MTUS1: variants seen among roughly 807,000 people sequenced by gnomAD.
MTUS1 encodes microtubule associated scaffold protein 1, also known as microtubule-associated tumor suppressor 1.
In MTUS1, 109 loss-of-function variants were observed where a neutral mutation model predicts 120.8. That is an observed-to-expected ratio of 0.90 (90% CI 0.77 to 1.06). The LOEUF is 1.06. Among genes scored for constraint, MTUS1 ranks in the 50% least tolerant of loss-of-function variants. MTUS1 has a pLI of 0.00. For synonymous variants in MTUS1, 737 were observed against 550.5 expected, an observed-to-expected ratio of 1.34 and a Z score of -4.74; for missense variants, 2,210 against 1,486.3, an observed-to-expected ratio of 1.49 and a Z score of -8.01.
At chr8:17,788,121 C>CAAA (rs1158573994) in intron 1 of MTUS1, among the ~76,000 whole-genome samples, 2 of 142,592 alleles carry the variant, frequency 1.4e-5, no homozygotes, top group African/African-American at 5.1e-5. Flanking sequence ...AACTCCATCT[C>CAAA]AAAAAAAAAA....
chr8:17,658,172 G>T (rs1808871732), intron 8 of MTUS1, among the ~76,000 whole-genome samples: 1 of 151,812 alleles, frequency 6.6e-6, no homozygotes, highest in African/African-American at 2.4e-5. Context: ...TCAGTAGCTG[G>T]GATTACGGCA....
At chr8:17,698,077 G>A (rs1293803680) in intron 6 of MTUS1, among the ~76,000 whole-genome samples, 1 of 151,950 alleles carries the variant, frequency 6.6e-6, no homozygotes, top group Non-Finnish European at 1.5e-5. Context: ...ATTGTCAAAA[G>A]GTTAAAGTTC....
intron 6 of MTUS1, among the ~76,000 whole-genome samples, chr8:17,707,490 A>G (rs1024291654): frequency 3.9e-5 from 6 of 152,150 alleles, no homozygotes; most frequent in African/African-American, 1.4e-4. Context: ...CCTACCACAC[A>G]ATCTAGATTA....
intron 6 of MTUS1, among the ~76,000 whole-genome samples, chr8:17,712,438 G>C (rs1273890945): frequency 6.6e-6 from 1 of 151,984 alleles, no homozygotes; most frequent in East Asian, 1.9e-4. Flanking sequence ...CCAGGTTCAA[G>C]CAATTATCCT....
chr8:17,739,259 C>T lies in MTUS1; in HGVS notation c.2287+4345G>A, dbSNP rs1168705503. The stretch of plus-strand genomic sequence containing the variant: ...CTGTAATCCCAGCACTTTGGGAGGC[C>T]GAGGCGGGTGGATCACCTGAGGTCG... On this transcript the variant is annotated intron_variant, in intron 3 of 14. Coordinates refer to ENST00000693296, the MANE Select transcript of MTUS1 (RefSeq NM_001363059.2). Among the ~76,000 whole-genome samples the T allele has an allele frequency of 2.4e-4, 36 of 152,002 alleles. 1 individual carries two copies. The highest frequency in any genetic ancestry group is 2.2e-3 in the Admixed American group (34 of 15,258).
intron 8 of MTUS1, among the ~76,000 whole-genome samples, chr8:17,668,029 G>A (rs2979795): frequency 6.6e-6 from 1 of 152,108 alleles, no homozygotes; most frequent in South Asian, 2.1e-4. Context: ...AAATAATCAG[G>A]ACTAATGTAT....
intron 10 of MTUS1, chr8:17,654,331 A>G (rs1029896938): frequency 9.1e-6 from 5 of 550,020 alleles, no homozygotes; most frequent in Non-Finnish European, 1.6e-5. Context: ...ACAGTCTTCC[A>G]AAGCCCATCC....
At chr8:17,665,399 G>A (rs963051881) in intron 8 of MTUS1, among the ~76,000 whole-genome samples, 12 of 152,136 alleles carry the variant, frequency 7.9e-5, no homozygotes, top group Admixed American at 7.2e-4. Context: ...TTTACAAGGT[G>A]CTCTCACATT....
At chr8:17,798,098 T>G (rs1382214363) in intron 1 of MTUS1, among the ~76,000 whole-genome samples, 1 of 152,164 alleles carries the variant, frequency 6.6e-6, no homozygotes, top group African/African-American at 2.4e-5. Context: ...AATAGATTAC[T>G]GACAATAAAT....
rs554726229 is a variant in MTUS1 at position 17,743,756 on chromosome 8, G to C, written c.2135C>G (p.Ser712Cys). The C allele has an allele frequency of 6.2e-7, 1 of 1,614,100 alleles. No homozygotes were observed. The highest frequency in any genetic ancestry group is 8.5e-7 in the Non-Finnish European group (1 of 1,180,022). ...CCTCAAACCGCAGGAGTCAGGCTTG[G>C]ATATATTCCTACCTGAGGTGGTCGT... ...KTTTTSGRNISKPDSCGLRQI... is the reference protein window; with the variant it reads ...KTTTTSGRNICKPDSCGLRQI... Residue 712 changes from serine to cysteine, a missense_variant, in exon 3 of 15, where the codon TCC (serine) becomes TGC (cysteine). Physicochemically the swap from Ser to Cys is moderately radical, Grantham distance 112. Coordinates refer to ENST00000693296, the MANE Select transcript of MTUS1 (RefSeq NM_001363059.2).
intron 6 of MTUS1, among the ~76,000 whole-genome samples, chr8:17,711,550 T>A (rs903252844): frequency 6.6e-6 from 1 of 152,216 alleles, no homozygotes; most frequent in African/African-American, 2.4e-5. Flanking sequence ...GAAGTGAAAG[T>A]TGCAGCTGGC....
intron 1 of MTUS1, among the ~76,000 whole-genome samples, chr8:17,767,140 A>G (rs575734834): frequency 6.8e-6 from 1 of 146,462 alleles, no homozygotes; most frequent in South Asian, 2.2e-4. Flanking sequence ...ATTCCAGCTG[A>G]TAATGACCGA....
At chr8:17,725,769 GA>G (rs1288608153) in intron 3 of MTUS1, among the ~76,000 whole-genome samples, 3 of 152,116 alleles carry the variant, frequency 2.0e-5, no homozygotes, top group Admixed American at 1.3e-4. Context: ...AACATTATGA[GA>G]TTTTTTTGCA....
intron 8 of MTUS1, among the ~76,000 whole-genome samples, chr8:17,658,022 T>TACACACACAC (rs776352415): frequency 2.7e-5 from 1 of 36,364 alleles, no homozygotes; most frequent in Non-Finnish European, 5.9e-5. Context: ...ACTATATATA[T>TACACACACAC]AGACACACAC....
chr8:17,652,474 G>A (rs542442956), intron 12 of MTUS1, among the ~76,000 whole-genome samples: 11 of 152,098 alleles, frequency 7.2e-5, no homozygotes, highest in East Asian at 1.9e-4. Context: ...AGACGGGGGA[G>A]AGCCTGGTGC....
intron 1 of MTUS1, among the ~76,000 whole-genome samples, chr8:17,764,842 C>A (rs1170165061): frequency 6.6e-6 from 1 of 152,212 alleles, no homozygotes; most frequent in Non-Finnish European, 1.5e-5. Context: ...ACCTTTTTGG[C>A]ACCAGGGACT....
chr8:17,768,254 T>A (rs1446414431), intron 1 of MTUS1, among the ~76,000 whole-genome samples: 1 of 152,152 alleles, frequency 6.6e-6, no homozygotes, highest in Non-Finnish European at 1.5e-5. Flanking sequence ...TTCTCTTTCT[T>A]CAAATAAACT....
intron 12 of MTUS1, among the ~76,000 whole-genome samples, chr8:17,652,804 C>A (rs113967276): frequency 0.11 from 16,506 of 151,256 alleles, 1,075 homozygotes; most frequent in South Asian, 0.22. Flanking sequence ...CCACTACACT[C>A]CAGCCTGAGT....
At chr8:17,751,666 T>C (rs2131321056) in intron 2 of MTUS1, among the ~76,000 whole-genome samples, 1 of 152,172 alleles carries the variant, frequency 6.6e-6, no homozygotes, top group East Asian at 1.9e-4. Context: ...AAGACCATCC[T>C]GGACAATATG....
Sources: allele counts gnomAD v4.1 joint callset (sites outside exome capture counted in the v4.1 genomes callset), GRCh38; gene constraint gnomAD v4.1.1; transcripts MANE v1.5; gene names NCBI Gene and HGNC (gene_info 2026-07-23, HGNC 2026-07-21).